The following PCSK6 variants were observed in gnomAD, a reference collection of about 807,000 sequenced individuals.
PCSK6 encodes paired basic amino acid cleaving enzyme 4.
A neutral mutation model predicts 123.3 loss-of-function variants in PCSK6; 85 were observed. That is an observed-to-expected ratio of 0.69 (90% CI 0.58 to 0.83). PCSK6 has a LOEUF of 0.83. PCSK6 is among the 40% of genes least tolerant of loss of function. PCSK6 has a pLI of 0.00. For synonymous variants in PCSK6, 508 were observed against 516.0 expected (o/e 0.98, Z 0.21); for missense variants, 1,191 against 1,282.3 (o/e 0.93, Z 1.09).
chr15:101,392,393 A>G (rs1250562087), intron 8 of PCSK6, among the ~76,000 whole-genome samples: 1 of 152,240 alleles, frequency 6.6e-6, no homozygotes, highest in Non-Finnish European at 1.5e-5. Flanking sequence ...ATGCTCCCAC[A>G]GAAAAGTGTA....
At chr15:101,423,363 CA>C (rs2056148347) in intron 6 of PCSK6, among the ~76,000 whole-genome samples, 1 of 151,524 alleles carries the variant, frequency 6.6e-6, no homozygotes, top group African/African-American at 2.4e-5. Context: ...AGGTCTAAGC[CA>C]ATTCTCTTGC....
intron 5 of PCSK6, among the ~76,000 whole-genome samples, chr15:101,428,633 G>A (rs541360635): frequency 3.3e-5 from 5 of 152,198 alleles, no homozygotes; most frequent in Non-Finnish European, 5.9e-5. Context: ...GATGTGCCAC[G>A]TCGGGTCAGT....
rs2057044285 is a variant in PCSK6, at chr15:101,451,841, A to T, written c.298-8181T>A. On this transcript the variant is annotated intron_variant, in intron 1 of 21. Coordinates refer to ENST00000611716, the MANE Select transcript of PCSK6 (RefSeq NM_002570.5). The stretch of plus-strand genomic sequence containing the variant: ...AACCTACACACCAAATTAATTCTGT[A>T]TTGCTCTAGTGACTTCCGCCTGAAA... Among the ~76,000 whole-genome samples the T allele has an allele frequency of 2.0e-5, 3 of 152,208 alleles. No homozygotes were observed. The South Asian group carries it at 6.2e-4, about 32-fold the overall frequency.
At chr15:101,369,201 G>C (rs1417066386) in intron 12 of PCSK6, among the ~76,000 whole-genome samples, 1 of 152,238 alleles carries the variant, frequency 6.6e-6, no homozygotes, top group South Asian at 2.1e-4. Flanking sequence ...GCTGTGGGGG[G>C]CACAGCACAG....
intron 2 of PCSK6, 55 bp downstream of exon 2, chr15:101,443,501 A>T: frequency 1.6e-6 from 2 of 1,232,500 alleles, no homozygotes; most frequent in Non-Finnish European, 2.4e-6. Flanking sequence ...CGCCATTTTT[A>T]AGACCACAGA....
At chr15:101,424,423 A>C (rs1355960549) in intron 6 of PCSK6, among the ~76,000 whole-genome samples, 1 of 152,250 alleles carries the variant, frequency 6.6e-6, no homozygotes, top group Non-Finnish European at 1.5e-5. Context: ...ATTTCTTTTA[A>C]GAAAAATGAA....
rs375691395 is a variant in PCSK6, at chr15:101,324,919, C to A, written c.2308G>T (p.Gly770Trp). The change falls in exon 17 of 22, where the codon GGG (glycine) becomes TGG (tryptophan). Residue 770 changes from glycine to tryptophan, a missense_variant. By Grantham distance (184) the Gly-to-Trp change is radical (BLOSUM62 -2). Around this residue, in one of 3 missense-constraint regions of PCSK6, gnomAD observed 630 missense variants for 631.4 expected, o/e 1.00. Coordinates refer to ENST00000611716, the MANE Select transcript of PCSK6 (RefSeq NM_002570.5). The stretch of plus-strand genomic sequence containing the variant: ...TTCATCTCCTGGTGGTGATAGAACC[C>A]GCGGCGGCAAGACAGGCACTGCGTC... ...AATQCLSCRR[G>W]FYHHQEMNTC... 6.2e-7 allele frequency: 1 copy of A among 1,613,448 alleles called. No homozygotes were observed. The highest frequency in any genetic ancestry group is 8.5e-7 in the Non-Finnish European group (1 of 1,179,886).
intron 13 of PCSK6, among the ~76,000 whole-genome samples, chr15:101,344,027 G>A (rs1232090060): frequency 6.6e-6 from 1 of 151,834 alleles, no homozygotes; most frequent in Non-Finnish European, 1.5e-5. Flanking sequence ...AGTGAGCCGA[G>A]ATTGCGTCAC....
At chr15:101,422,670 GA>G (rs1319006749) in intron 6 of PCSK6, among the ~76,000 whole-genome samples, 2 of 151,796 alleles carry the variant, frequency 1.3e-5, no homozygotes, top group Non-Finnish European at 2.9e-5. Flanking sequence ...GCCCAGGCTG[GA>G]GTGCAGTTGG....
At chr15:101,370,672 T>A in intron 11 of PCSK6, 149 bp from the exon 12 acceptor site, 1 of 574,062 alleles carries the variant, frequency 1.7e-6, no homozygotes, top group Non-Finnish European at 2.8e-6. Context: ...TCTGACTGCC[T>A]CACGTGGATG....
At chr15:101,378,015 C>A (rs73477086) in intron 11 of PCSK6, among the ~76,000 whole-genome samples, 12,582 of 152,222 alleles carry the variant, frequency 0.083, 731 homozygotes, top group African/African-American at 0.17. Context: ...TACACTGTTT[C>A]CCAGAAGCCT....
intron 5 of PCSK6, among the ~76,000 whole-genome samples, chr15:101,428,963 C>T (rs189770960): frequency 4.9e-4 from 74 of 152,290 alleles, no homozygotes; most frequent in Non-Finnish European, 8.1e-4. Context: ...CACCTTGGGA[C>T]GTGCATGAGG....
intron 2 of PCSK6, among the ~76,000 whole-genome samples, chr15:101,436,161 C>A (rs951329966): frequency 6.6e-6 from 1 of 152,184 alleles, no homozygotes; most frequent in African/African-American, 2.4e-5. Context: ...TTCAGAGGGG[C>A]CCTGCTGTGG....
At chr15:101,334,513 G>A (rs2040434113) in intron 13 of PCSK6, 1 of 152,234 alleles carries the variant, frequency 6.6e-6, no homozygotes, top group African/African-American at 2.4e-5. Flanking sequence ...AAACAAGCCT[G>A]GTGAGGAACC....
At chr15:101,394,758 C>A (rs1426595778) in intron 7 of PCSK6, among the ~76,000 whole-genome samples, 1 of 152,250 alleles carries the variant, frequency 6.6e-6, no homozygotes, top group Non-Finnish European at 1.5e-5. Context: ...GCTCTGTACG[C>A]TCACACCACG....
At chr15:101,311,522 T>C (rs2039862579) in intron 20 of PCSK6, among the ~76,000 whole-genome samples, 1 of 152,064 alleles carries the variant, frequency 6.6e-6, no homozygotes, top group Non-Finnish European at 1.5e-5. Flanking sequence ...GCTGGCGCCA[T>C]GTTTCCTATG....
chr15:101,378,222 C>G (rs2041808676), intron 11 of PCSK6, among the ~76,000 whole-genome samples: 1 of 152,230 alleles, frequency 6.6e-6, no homozygotes, highest in African/African-American at 2.4e-5. Flanking sequence ...TTTGCACAGG[C>G]AGATGCCCCT....
At chr15:101,438,132 T>G (rs147511479) in intron 2 of PCSK6, among the ~76,000 whole-genome samples, 1 of 152,302 alleles carries the variant, frequency 6.6e-6, no homozygotes, top group Non-Finnish European at 1.5e-5. Context: ...GACAATACGG[T>G]TCTGCGGTTG....
intron 1 of PCSK6, among the ~76,000 whole-genome samples, chr15:101,484,877 AG>A (rs2057982702): frequency 6.6e-6 from 1 of 152,102 alleles, no homozygotes; most frequent in African/African-American, 2.4e-5. Context: ...ATTCTACTTC[AG>A]GGAAGGTGGG....
Sources: gnomAD v4.1 joint callset for allele counts (sites outside exome capture counted in the v4.1 genomes callset) on GRCh38, gnomAD v4.1.1 for gene constraint, gnomAD v4.1.1 regional missense constraint, MANE v1.5 for transcripts, NCBI Gene and HGNC (gene_info 2026-07-23, HGNC 2026-07-21) for gene names.